IPP: variants seen among roughly 807,000 people sequenced by gnomAD.
IPP encodes actin-binding protein IPP.
Under a neutral mutation model 64.1 loss-of-function variants are expected in IPP, and 41 were observed. The ratio of observed to expected loss-of-function variants is 0.64; its 90% CI spans 0.50 to 0.83. IPP has a LOEUF of 0.83. IPP is among the 40% of genes least tolerant of loss of function. IPP has a pLI of 0.00. For synonymous variants in IPP, 214 were observed against 235.2 expected (o/e 0.91, Z 0.83); for missense variants, 649 against 703.0 (o/e 0.92, Z 0.87).
intron 8 of IPP, among the ~76,000 whole-genome samples, chr1:45,711,870 C>A (rs1309535414): frequency 6.6e-6 from 1 of 152,036 alleles, no homozygotes; most frequent in Non-Finnish European, 1.5e-5. Context: ...AATAATGGAT[C>A]TTCAAAATAT....
chr1:45,740,971 A>G lies in IPP; in HGVS notation c.654T>C (p.His218=), dbSNP rs757330510. 3.1e-6 allele frequency: 5 copies of G among 1,613,712 alleles called. No individual in the cohort carries two copies. The highest frequency in any genetic ancestry group is 4.2e-6 in the Non-Finnish European group (5 of 1,179,804). The stretch of plus-strand genomic sequence containing the variant: ...GAATTGGGTCTAGCACTTCCACCAC[A>G]TGTTTTCTTCTTTTTCCCAAATCTT... ...ILKDLGKRRK[H]VVEVLDPIRF... The change falls in exon 3 of 9, where the codon CAT becomes CAC. Residue 218 remains histidine, a synonymous_variant. Coordinates refer to ENST00000396478, the MANE Select transcript of IPP (RefSeq NM_005897.3).
intron 5 of IPP, among the ~76,000 whole-genome samples, chr1:45,720,422 TAA>T (rs1276636325): frequency 2.0e-5 from 3 of 151,826 alleles, no homozygotes; most frequent in Non-Finnish European, 4.4e-5. Flanking sequence ...TTTTTGTATT[TAA>T]AAAAAAGAGT....
chr1:45,705,622 A>G (rs2148548929), intron 8 of IPP, among the ~76,000 whole-genome samples: 1 of 152,276 alleles, frequency 6.6e-6, no homozygotes, highest in Middle Eastern at 3.4e-3. Flanking sequence ...GCTGGCCAAC[A>G]TGGCAAAACC....
intron 3 of IPP, among the ~76,000 whole-genome samples, chr1:45,731,136 C>T (rs749468535): frequency 1.3e-5 from 2 of 152,204 alleles, no homozygotes; most frequent in Non-Finnish European, 2.9e-5. Flanking sequence ...ACCCTCATGC[C>T]TCAGGCTAGA....
chr1:45,705,374 A>G (rs1461090424), intron 8 of IPP, among the ~76,000 whole-genome samples: 1 of 152,376 alleles, frequency 6.6e-6, no homozygotes, highest in East Asian at 1.9e-4. Context: ...AAATAAAGAA[A>G]TGCTGAATGA....
At chr1:45,724,616 C>T (rs1403263072) in intron 5 of IPP, among the ~76,000 whole-genome samples, 2 of 150,258 alleles carry the variant, frequency 1.3e-5, no homozygotes, top group Non-Finnish European at 3.0e-5. Context: ...ATGTGGGGAG[C>T]ACCTCTGCCC....
At chr1:45,695,199 C>T (rs920944176), downstream of IPP, among the ~76,000 whole-genome samples, 5 of 152,162 alleles carry the variant, frequency 3.3e-5, no homozygotes, top group Non-Finnish European at 7.3e-5. Context: ...CAGGGTCTCA[C>T]TCTTGCTCAG....
chr1:45,698,504 A>C (rs1645407291), downstream of IPP, among the ~76,000 whole-genome samples: 1 of 152,048 alleles, frequency 6.6e-6, no homozygotes, highest in Non-Finnish European at 1.5e-5. Context: ...TTCAAATTAC[A>C]CTTATGAGTC....
chr1:45,724,192 C>G (rs980408633), intron 5 of IPP, among the ~76,000 whole-genome samples: 2 of 152,138 alleles, frequency 1.3e-5, no homozygotes, highest in African/African-American at 4.8e-5. Context: ...CTGTGTTGGC[C>G]GGGCTGGTCT....
downstream of IPP, among the ~76,000 whole-genome samples, chr1:45,695,739 G>T (rs185110668): frequency 6.6e-6 from 1 of 151,706 alleles, no homozygotes; most frequent in South Asian, 2.1e-4. Context: ...GCGCTATCTC[G>T]GCTCACCGCA....
intron 5 of IPP, among the ~76,000 whole-genome samples, chr1:45,724,132 C>T (rs1247691616): frequency 6.6e-6 from 1 of 152,134 alleles, no homozygotes; most frequent in African/African-American, 2.4e-5. Context: ...CAGGCGCGCG[C>T]CGCCACGCCT....
intron 4 of IPP, among the ~76,000 whole-genome samples, chr1:45,728,165 TGTG>T (rs1055524952): frequency 5.3e-5 from 8 of 150,938 alleles, no homozygotes; most frequent in African/African-American, 2.0e-4. Context: ...TGTGTGTGTG[TGTG>T]TGTGTTTGAG....
chr1:45,695,250 G>A (rs930282504), downstream of IPP, among the ~76,000 whole-genome samples: 1 of 152,028 alleles, frequency 6.6e-6, no homozygotes, highest in Non-Finnish European at 1.5e-5. Flanking sequence ...CTGCAGCCTC[G>A]ACCTCCTGGG....
intron 8 of IPP, among the ~76,000 whole-genome samples, chr1:45,707,229 C>T (rs1645523335): frequency 6.6e-6 from 1 of 152,064 alleles, no homozygotes. Flanking sequence ...CGAGACCATC[C>T]TGGCTAACAC....
chr1:45,716,900 A>G lies in IPP; in HGVS notation c.1304T>C (p.Met435Thr). 6.2e-7 allele frequency: 1 copy of G among 1,606,786 alleles called. No homozygotes were observed. Among genetic ancestry groups the G allele is most frequent in the Non-Finnish European group, 8.5e-7 (1 of 1,177,776 alleles). ...ATATTTTATAAAGTGATTACCTTGC[A>G]TTTCACAGCACCCAAAGTAGTAGCG... ...VSRYYFGCCEMQGLIYVIGGI... is the reference protein window; with the variant it reads ...VSRYYFGCCETQGLIYVIGGI... The change falls in exon 7 of 9, where the codon ATG becomes ACG. Residue 435 changes from methionine (M) to threonine (T), a missense_variant. By Grantham distance (81) the Met-to-Thr change is moderately conservative. Transcript: ENST00000396478.
chr1:45,727,872 A>T (rs1645852740), intron 4 of IPP, 74 bp from the exon 5 acceptor site: 2 of 1,062,562 alleles, frequency 1.9e-6, no homozygotes, highest in Admixed American at 5.1e-5. Flanking sequence ...ACTACTATAT[A>T]ACAAGAAATA....
At chr1:45,711,985 A>T (rs1165837053) in intron 8 of IPP, among the ~76,000 whole-genome samples, 3 of 152,120 alleles carry the variant, frequency 2.0e-5, no homozygotes, top group African/African-American at 4.8e-5. Context: ...CAATTGTGCA[A>T]GTAGGACAGA....
At chr1:45,707,951 G>GA (rs200023152) in intron 8 of IPP, among the ~76,000 whole-genome samples, 1,776 of 151,754 alleles carry the variant, frequency 0.012, 26 homozygotes, top group African/African-American at 0.037. Context: ...AGCTGCGGAA[G>GA]AAAAAACACG....
chr1:45,726,659 T>C (rs1645831967), intron 5 of IPP, among the ~76,000 whole-genome samples: 1 of 152,160 alleles, frequency 6.6e-6, no homozygotes, highest in Non-Finnish European at 1.5e-5. Context: ...ATTAAATGAA[T>C]CATTATGCAG....
Sources: allele counts gnomAD v4.1 joint callset (sites outside exome capture counted in the v4.1 genomes callset), GRCh38; gene constraint gnomAD v4.1.1; transcripts MANE v1.5; gene names NCBI Gene and HGNC (gene_info 2026-07-23, HGNC 2026-07-21).